Variants in HOMER2 observed in about 807,000 individuals in gnomAD.
HOMER2 encodes homer scaffold protein 2.
Under a neutral mutation model 47.0 loss-of-function variants are expected in HOMER2, and 27 were observed. That is an observed-to-expected ratio of 0.57 (90% CI 0.42 to 0.79). The LOEUF is 0.79. Among genes scored for constraint, HOMER2 ranks in the 30% least tolerant of loss-of-function variants. HOMER2 has a pLI of 0.00. For synonymous variants in HOMER2, 161 were observed against 163.8 expected, an observed-to-expected ratio of 0.98 and a Z score of 0.13; for missense variants, 443 against 435.0, an observed-to-expected ratio of 1.02 and a Z score of -0.16.
chr15:82,920,009 T>C (rs2053687993), intron 1 of HOMER2, among the ~76,000 whole-genome samples: 1 of 152,260 alleles, frequency 6.6e-6, no homozygotes, highest in African/African-American at 2.4e-5. Flanking sequence ...TTGTTCACTC[T>C]GTCCATTGTC....
chr15:82,880,498 T>C (rs1434752512), intron 2 of HOMER2, among the ~76,000 whole-genome samples: 1 of 152,210 alleles, frequency 6.6e-6, no homozygotes, highest in Admixed American at 6.5e-5. Context: ...GGGTGGTGGG[T>C]ACATATGGGT....
At chr15:82,939,388 C>T (rs776649906) in intron 1 of HOMER2, among the ~76,000 whole-genome samples, 13 of 152,110 alleles carry the variant, frequency 8.5e-5, no homozygotes, top group Non-Finnish European at 1.2e-4. Flanking sequence ...GAATTTTGGC[C>T]GGGCACGGTG....
At chr15:82,862,668 T>A (rs1007616965) in intron 4 of HOMER2, among the ~76,000 whole-genome samples, 1 of 152,214 alleles carries the variant, frequency 6.6e-6, no homozygotes, top group African/African-American at 2.4e-5. Flanking sequence ...CTGAATCATA[T>A]TAAAGATTAT....
chr15:82,916,807 AT>A (rs906151960), intron 1 of HOMER2, among the ~76,000 whole-genome samples: 225 of 144,450 alleles, frequency 1.6e-3, no homozygotes, highest in East Asian at 2.8e-3. Context: ...CAGAGCCCTC[AT>A]TTTTTTTTTT....
At chr15:82,945,871 A>G (rs139396150) in intron 1 of HOMER2, among the ~76,000 whole-genome samples, 3,531 of 152,040 alleles carry the variant, frequency 0.023, 63 homozygotes, top group Middle Eastern at 0.044. Context: ...TCGGGAGGCT[A>G]AGGTAGGAGA....
intron 3 of HOMER2, among the ~76,000 whole-genome samples, chr15:82,873,572 C>T (rs1006453260): frequency 2.6e-5 from 4 of 152,216 alleles, no homozygotes; most frequent in East Asian, 1.9e-4. Context: ...GGATTGTGGA[C>T]AGAGAGGACG....
intron 1 of HOMER2, among the ~76,000 whole-genome samples, chr15:82,939,358 A>G (rs968186475): frequency 6.6e-6 from 1 of 152,166 alleles, no homozygotes; most frequent in African/African-American, 2.4e-5. Context: ...TGGTCTCCAG[A>G]AAGTGCATCT....
chr15:82,909,505 TAAGGATGACTAAGGACAGAGCAGGTGACC>T (rs1294392186), intron 1 of HOMER2, among the ~76,000 whole-genome samples: 37 of 151,962 alleles, frequency 2.4e-4, no homozygotes, highest in East Asian at 5.8e-4. Flanking sequence ...AACAGGTGAC[TAAGGATGACTAAGGACAGAGCAGGTGACC>T]AAGGATGACT....
chr15:82,952,572 T>C lies in HOMER2; in HGVS notation c.-37A>G. On this transcript the variant is annotated 5_prime_UTR_variant, in exon 1 of 9. Transcript: ENST00000450735. ...CTCCGGCGGCCGCTCCGACGGGGCCTCTCGCGCTCGCTCTCCGCCCGCTCG... is the reference window on the plus strand; with the variant it reads ...CTCCGGCGGCCGCTCCGACGGGGCCCCTCGCGCTCGCTCTCCGCCCGCTCG... 1 of 1,163,942 alleles carries C rather than the reference T, an allele frequency of 8.6e-7. No individual in the cohort carries two copies. Among genetic ancestry groups the C allele is most frequent in the East Asian group, 4.0e-5 (1 of 25,304 alleles). The allele number at this position is 1,163,942 out of a possible 1,614,324, so 72.1% of individuals were successfully genotyped here.
At chr15:82,901,260 T>C (rs373604860) in intron 1 of HOMER2, among the ~76,000 whole-genome samples, 1 of 151,078 alleles carries the variant, frequency 6.6e-6, no homozygotes, top group African/African-American at 2.4e-5. Flanking sequence ...ACAGGCAGAG[T>C]TGTGGAGAAG....
chr15:82,935,370 A>G (rs1285006383), intron 1 of HOMER2, among the ~76,000 whole-genome samples: 3 of 150,956 alleles, frequency 2.0e-5, no homozygotes, highest in Non-Finnish European at 4.4e-5. Context: ...CTCACTGGCC[A>G]CTCCTCCTCT....
At position 82,893,329 on chromosome 15, in the gene HOMER2, C is replaced by CTTT. The variant is rs771392216; in HGVS notation, c.6-491_6-489dup. On this transcript the variant is annotated intron_variant, in intron 1 of 8. Coordinates refer to ENST00000450735, the MANE Select transcript of HOMER2 (RefSeq NM_004839.4). Reference sequence around the variant, plus strand: ...TAATTTATGAATGACATAATTTTATCTTTTTTTTTTTTTTTTTTTTGGATA... The same window carrying CTTT: ...TAATTTATGAATGACATAATTTTATCTTTTTTTTTTTTTTTTTTTTTTTGGATA... Among the ~76,000 whole-genome samples the CTTT allele has an allele frequency of 3.8e-4, 45 of 118,912 alleles. 1 individual carries two copies. Among genetic ancestry groups the CTTT allele is most frequent in the African/African-American group, 8.6e-4 (27 of 31,422 alleles). 78.0% of individuals were successfully genotyped at this position (118,912 alleles called of 152,430 possible).
In HOMER2 at chr15:82,926,925, CAGTA is replaced by C. The variant is rs371300810; in HGVS notation, c.5+25602_5+25605del. Among the ~76,000 whole-genome samples, 291 of 152,308 alleles carry C rather than the reference CAGTA, an allele frequency of 1.9e-3. 1 individual carries two copies. The highest frequency in any genetic ancestry group is 3.1e-3 in the Non-Finnish European group (210 of 68,030). On this transcript the variant is annotated intron_variant, in intron 1 of 8. Transcript: ENST00000450735. ...CTACCCAGCCTCCAGAATGGTAAGC[CAGTA>C]AATTTCTGTTCATTACAAATTACCC...
downstream of HOMER2, chr15:82,835,622 T>C (rs77416013): frequency 0.03 from 4,635 of 152,490 alleles, 85 homozygotes; most frequent in Non-Finnish European, 0.046. Context: ...ATCCAACTCC[T>C]GTGTATGAAT....
chr15:82,919,673 A>T (rs1036976866), intron 1 of HOMER2, among the ~76,000 whole-genome samples: 1 of 152,238 alleles, frequency 6.6e-6, no homozygotes, highest in Non-Finnish European at 1.5e-5. Context: ...TAACCCTTTT[A>T]AAAAAGAACA....
At chr15:82,890,395 G>A (rs553259450) in intron 2 of HOMER2, among the ~76,000 whole-genome samples, 1 of 152,228 alleles carries the variant, frequency 6.6e-6, no homozygotes, top group East Asian at 1.9e-4. Context: ...AGAAAGGGTA[G>A]TCCAAGATCC....
chr15:82,958,135 C>A (rs1190106153), exon 2 of HOMER2: 1 of 152,134 alleles, frequency 6.6e-6, no homozygotes, highest in Non-Finnish European at 1.5e-5. Flanking sequence ...CCGAGCCCGG[C>A]CTACCCATTT....
chr15:82,889,902 C>A (rs984244146), intron 2 of HOMER2, among the ~76,000 whole-genome samples: 50 of 152,170 alleles, frequency 3.3e-4, no homozygotes, highest in African/African-American at 1.1e-3. Flanking sequence ...GCTCCCATCC[C>A]CAATCCCTGA....
intron 1 of HOMER2, among the ~76,000 whole-genome samples, chr15:82,927,015 A>G (rs1300086927): frequency 6.6e-6 from 1 of 152,182 alleles, no homozygotes; most frequent in Non-Finnish European, 1.5e-5. Context: ...AATCCCTTTA[A>G]TGAGGGCTCT....
Sources: gnomAD v4.1 joint callset for allele counts (sites outside exome capture counted in the v4.1 genomes callset) on GRCh38, gnomAD v4.1.1 for gene constraint, MANE v1.5 for transcripts, NCBI Gene and HGNC (gene_info 2026-07-23, HGNC 2026-07-21) for gene names.